Variants in STPG2 observed in about 807,000 individuals in gnomAD.
STPG2 encodes the protein sperm tail PG-rich repeat containing 2, also known as sperm-tail PG-rich repeat-containing protein 2.
Under a neutral mutation model 54.2 loss-of-function variants are expected in STPG2, and 56 were observed. That is an observed-to-expected ratio of 1.03 (90% CI 0.83 to 1.29). The LOEUF (loss-of-function observed/expected upper bound fraction) is 1.29. STPG2 is among the 50% of genes most tolerant of loss of function. The pLI is 0.00. For missense variants in STPG2, 596 were observed against 544.9 expected (o/e 1.09, Z -0.93); for synonymous variants, 200 against 181.8 (o/e 1.10, Z -0.81).
At chr4:97,673,669 TTA>T (rs1472109751) in intron 10 of STPG2, among the ~76,000 whole-genome samples, 1 of 115,194 alleles carries the variant, frequency 8.7e-6, no homozygotes, top group Non-Finnish European at 1.8e-5. Flanking sequence ...ATATACGGCT[TTA>T]TATTTTTTTT....
At chr4:97,650,535 T>C (rs1722035941) in intron 10 of STPG2, among the ~76,000 whole-genome samples, 1 of 152,144 alleles carries the variant, frequency 6.6e-6, no homozygotes, top group African/African-American at 2.4e-5. Context: ...CATTCTCTAG[T>C]TGACAATTGG....
At chr4:97,860,011 T>G (rs1729466094) in intron 8 of STPG2, among the ~76,000 whole-genome samples, 1 of 152,230 alleles carries the variant, frequency 6.6e-6, no homozygotes, top group African/African-American at 2.4e-5. Flanking sequence ...CGTTCTTGTT[T>G]GCATTGTCAA....
intron 10 of STPG2, among the ~76,000 whole-genome samples, chr4:97,635,211 C>T (rs941064737): frequency 6.6e-6 from 1 of 152,128 alleles, no homozygotes; most frequent in Non-Finnish European, 1.5e-5. Context: ...AAAGAATTTT[C>T]AACCCAGAAT....
At chr4:98,045,300 T>C (rs1362686848) in intron 5 of STPG2, among the ~76,000 whole-genome samples, 2 of 152,154 alleles carry the variant, frequency 1.3e-5, no homozygotes, top group African/African-American at 4.8e-5. Context: ...TTGATTTATG[T>C]CAGAATCTTG....
intron 10 of STPG2, among the ~76,000 whole-genome samples, chr4:97,646,657 CTGTT>C (rs1212407211): frequency 6.6e-6 from 1 of 152,044 alleles, no homozygotes; most frequent in Non-Finnish European, 1.5e-5. Flanking sequence ...TATACATATA[CTGTT>C]TATTAATAAA....
At chr4:97,566,693 T>A (rs557125981) in intron 10 of STPG2, among the ~76,000 whole-genome samples, 2 of 152,170 alleles carry the variant, frequency 1.3e-5, no homozygotes, top group South Asian at 4.1e-4. Context: ...CATGGAATAC[T>A]ATGCAGCCAT....
chr4:97,541,915 C>A (rs941374023), intron 4 of STPG2, among the ~76,000 whole-genome samples: 93 of 152,230 alleles, frequency 6.1e-4, no homozygotes, highest in Non-Finnish European at 2.6e-4. Flanking sequence ...ACTGGCTAGC[C>A]ATATGTAGAA....
At chr4:97,947,681 T>C (rs1733288217) in intron 7 of STPG2, among the ~76,000 whole-genome samples, 1 of 152,080 alleles carries the variant, frequency 6.6e-6, no homozygotes, top group Admixed American at 6.6e-5. Flanking sequence ...TTTTTGTTTT[T>C]AATTGTTTAT....
chr4:97,997,689 T>C, intron 5 of STPG2, among the ~76,000 whole-genome samples: 1 of 152,188 alleles, frequency 6.6e-6, no homozygotes. Context: ...AATACAAGAA[T>C]AAGATCATGT....
intron 5 of STPG2, among the ~76,000 whole-genome samples, chr4:98,033,840 A>G (rs888957677): frequency 6.6e-6 from 1 of 152,178 alleles, no homozygotes; most frequent in African/African-American, 2.4e-5. Context: ...AACAGAACCA[A>G]CAACAAAAAC....
chr4:97,699,961 T>C (rs1458858385), intron 10 of STPG2, among the ~76,000 whole-genome samples: 1 of 152,180 alleles, frequency 6.6e-6, no homozygotes, highest in Non-Finnish European at 1.5e-5. Context: ...CATGACCCAC[T>C]TTATGGCTAC....
intron 4 of STPG2, among the ~76,000 whole-genome samples, chr4:97,461,064 T>A (rs1729649988): frequency 6.6e-6 from 1 of 152,202 alleles, no homozygotes; most frequent in Admixed American, 6.5e-5. Context: ...AAAAATAGTG[T>A]TTCTATCCAT....
intron 5 of STPG2, among the ~76,000 whole-genome samples, chr4:97,994,229 G>A (rs1037762259): frequency 2.6e-5 from 4 of 152,058 alleles, no homozygotes; most frequent in African/African-American, 4.8e-5. Context: ...TTAACCCAAC[G>A]TTCATTCAGG....
intron 4 of STPG2, among the ~76,000 whole-genome samples, chr4:97,544,957 T>C (rs1256061713): frequency 6.6e-6 from 1 of 152,070 alleles, no homozygotes; most frequent in African/African-American, 2.4e-5. Context: ...CATAAGTGAT[T>C]GTTTTCTTAC....
chr4:97,558,345 C>A (rs1336414071), downstream of STPG2, among the ~76,000 whole-genome samples: 1 of 152,140 alleles, frequency 6.6e-6, no homozygotes. Context: ...AGACAGTTTC[C>A]TCCCATCTGT....
At chr4:97,968,254 T>G (rs998706107) in intron 7 of STPG2, among the ~76,000 whole-genome samples, 1 of 151,972 alleles carries the variant, frequency 6.6e-6, no homozygotes. Context: ...TTTGAATCAC[T>G]GAATCGACCA....
intron 3 of STPG2, among the ~76,000 whole-genome samples, chr4:98,116,399 A>G (rs1386088156): frequency 6.6e-6 from 1 of 151,944 alleles, no homozygotes; most frequent in South Asian, 2.1e-4. Flanking sequence ...TTTTCTCAGG[A>G]TATTTTAGGT....
At chr4:97,914,911 T>C (rs1399443346) in intron 8 of STPG2, among the ~76,000 whole-genome samples, 1 of 152,198 alleles carries the variant, frequency 6.6e-6, no homozygotes, top group Non-Finnish European at 1.5e-5. Flanking sequence ...TGGAATCATA[T>C]AGTATTTGTC....
At chr4:97,760,327 T>C (rs142292344) in intron 9 of STPG2, among the ~76,000 whole-genome samples, 36 of 152,288 alleles carry the variant, frequency 2.4e-4, no homozygotes, top group African/African-American at 8.2e-4. Flanking sequence ...ATATGTTCAG[T>C]AAATGTTTTT....
Sources: gnomAD v4.1 joint callset for allele counts (sites outside exome capture counted in the v4.1 genomes callset) on GRCh38, gnomAD v4.1.1 for gene constraint, MANE v1.5 for transcripts, NCBI Gene and HGNC (gene_info 2026-07-23, HGNC 2026-07-21) for gene names.